The following ARMC2 variants were observed in gnomAD, a reference collection of about 807,000 sequenced individuals.
The protein encoded by ARMC2 is armadillo repeat-containing protein 2.
ARMC2 carries 67 observed loss-of-function variants against 90.3 expected under a neutral mutation model. The observed-to-expected ratio is 0.74, with a 90% CI of 0.61 to 0.91. ARMC2 has a LOEUF of 0.91. Ranked by LOEUF, ARMC2 falls within the 40% of genes least tolerant of loss-of-function variation. The pLI, the probability that ARMC2 is intolerant of heterozygous loss-of-function variation, is 0.00. For missense variants in ARMC2, 920 were observed against 1,030.9 expected (o/e 0.89, Z 1.47); for synonymous variants, 393 against 393.0 (o/e 1.00, Z 0.00).
At chr6:108,978,194 T>C (rs773040791), downstream of ARMC2, among the ~76,000 whole-genome samples, 6 of 152,210 alleles carry the variant, frequency 3.9e-5, no homozygotes, top group Non-Finnish European at 8.8e-5. Context: ...TTCCGGTACA[T>C]TGTGTCTTTG....
At chr6:108,880,116 AAAC>A in intron 5 of ARMC2, 3 of 366,900 alleles carry the variant, frequency 8.2e-6, no homozygotes, top group Non-Finnish European at 1.6e-5. Context: ...TTCATCAATG[AAAC>A]AACAACAAAA....
intron 10 of ARMC2, among the ~76,000 whole-genome samples, chr6:108,925,531 A>G (rs1182791300): frequency 1.3e-5 from 2 of 152,246 alleles, no homozygotes; most frequent in Non-Finnish European, 2.9e-5. Context: ...TTATGGGGGC[A>G]TATATGGTAT....
At chr6:108,867,096 C>A (rs1330606785) in intron 3 of ARMC2, among the ~76,000 whole-genome samples, 1 of 152,152 alleles carries the variant, frequency 6.6e-6, no homozygotes, top group Non-Finnish European at 1.5e-5. Context: ...CACTCATTCA[C>A]ATGTTATAGA....
the ARMC2 span, among the ~76,000 whole-genome samples, chr6:109,011,532 G>A: frequency 6.6e-6 from 1 of 152,012 alleles, no homozygotes; most frequent in African/African-American, 2.4e-5. Flanking sequence ...TAGAGCACTA[G>A]AGTGAATTAG....
At chr6:108,950,229 A>G (rs1250611618) in intron 12 of ARMC2, among the ~76,000 whole-genome samples, 1 of 152,174 alleles carries the variant, frequency 6.6e-6, no homozygotes, top group East Asian at 1.9e-4. Context: ...AAAAAAACAA[A>G]CAAACTTAGA....
At chr6:109,049,233 A>G in the ARMC2 span, among the ~76,000 whole-genome samples, 2 of 152,232 alleles carry the variant, frequency 1.3e-5, no homozygotes, top group Non-Finnish European at 2.9e-5. Context: ...TTACAGCAAC[A>G]TGGATGGAAC....
chr6:109,031,965 C>G, the ARMC2 span, among the ~76,000 whole-genome samples: 14 of 152,112 alleles, frequency 9.2e-5, no homozygotes, highest in Non-Finnish European at 1.5e-4. Context: ...ATACACATAT[C>G]TTGAAGGTAA....
At chr6:108,922,552 G>A (rs1348111163) in intron 10 of ARMC2, among the ~76,000 whole-genome samples, 1 of 152,150 alleles carries the variant, frequency 6.6e-6, no homozygotes, top group Non-Finnish European at 1.5e-5. Flanking sequence ...GAAAAAAACA[G>A]AAGCTAAAGC....
downstream of ARMC2, among the ~76,000 whole-genome samples, chr6:108,978,356 C>CT (rs1779025489): frequency 6.6e-6 from 1 of 152,128 alleles, no homozygotes; most frequent in African/African-American, 2.4e-5. Flanking sequence ...GCACTGTGGT[C>CT]TGAGAGACTG....
the ARMC2 span, chr6:108,994,698 CTTTTT>C: frequency 1.6e-3 from 456 of 292,290 alleles, 1 homozygote; most frequent in East Asian, 2.8e-3. Context: ...GAATTTATAT[CTTTTT>C]TTTTTTTTTT....
the ARMC2 span, chr6:108,999,251 A>G: frequency 6.6e-6 from 1 of 152,604 alleles, no homozygotes; most frequent in Non-Finnish European, 1.5e-5. Context: ...AACTTCTATA[A>G]TTCTTCTATT....
intron 13 of ARMC2, among the ~76,000 whole-genome samples, chr6:108,957,801 A>C (rs574055890): frequency 6.6e-6 from 1 of 152,286 alleles, no homozygotes; most frequent in Admixed American, 6.5e-5. Context: ...ACTTAGTGGC[A>C]AGTCCAAATT....
rs116121381 is a variant in ARMC2, at chr6:108,898,200, G to T, written c.749-1494G>T. ...GCCCCCTGCTCAACTTGTCCTTTGT[G>T]CAAAGTAACCTGAAAATACATGGGC... is the stretch of plus-strand genomic sequence containing the variant. On this transcript the variant is annotated intron_variant, in intron 6 of 17. Coordinates refer to ENST00000392644, the MANE Select transcript of ARMC2 (RefSeq NM_032131.6). Among the ~76,000 whole-genome samples the T allele has an allele frequency of 4.2e-3, 637 of 152,216 alleles. 3 individuals are homozygous for T. The highest frequency in any genetic ancestry group is 0.014 in the African/African-American group (597 of 41,522).
At position 108,887,117 on chromosome 6, in the gene ARMC2, AGGCT is replaced by A. The variant is rs371459659; in HGVS notation, c.672-7343_672-7340del. Among the ~76,000 whole-genome samples, 634 of 152,210 alleles carry A rather than the reference AGGCT, an allele frequency of 4.2e-3. 3 individuals are homozygous for A. Among genetic ancestry groups the A allele is most frequent in the African/African-American group, 0.014 (594 of 41,530 alleles). On this transcript the variant is annotated intron_variant, in intron 5 of 17. Transcript: ENST00000392644. ...GAGATGTGGTTTTGCCATGTTGGCC[AGGCT>A]GGCTGGTCTTGAACTCCTGACCTCA...
chr6:108,899,651 C>G, intron 6 of ARMC2, 43 bp from the exon 7 acceptor site: 1 of 1,481,354 alleles, frequency 6.8e-7, no homozygotes, highest in East Asian at 2.3e-5. Context: ...CATGACAACT[C>G]CTTTTTCATA....
chr6:108,964,902 A>G (rs1179504169), intron 16 of ARMC2, 78 bp from the exon 17 acceptor site: 1 of 1,077,236 alleles, frequency 9.3e-7, no homozygotes, highest in African/African-American at 1.6e-5. Flanking sequence ...ACAGAAGGAT[A>G]ATCATTATGC....
At chr6:108,999,286 T>G in the ARMC2 span, among the ~76,000 whole-genome samples, 1 of 152,200 alleles carries the variant, frequency 6.6e-6, no homozygotes, top group African/African-American at 2.4e-5. Context: ...TTCTGCTTCA[T>G]TATCTATTTT....
chr6:109,012,988 C>A, the ARMC2 span, among the ~76,000 whole-genome samples: 3 of 151,454 alleles, frequency 2.0e-5, no homozygotes, highest in African/African-American at 2.4e-5. Context: ...TGGTGGTGTG[C>A]GCCTGTAGTC....
the ARMC2 span, among the ~76,000 whole-genome samples, chr6:109,043,243 G>A: frequency 2.1e-4 from 32 of 152,104 alleles, no homozygotes; most frequent in Admixed American, 1.1e-3. Context: ...TATACTTAAC[G>A]GTGAAAGATG....
Sources: allele counts gnomAD v4.1 joint callset (sites outside exome capture counted in the v4.1 genomes callset), GRCh38; gene constraint gnomAD v4.1.1; transcripts MANE v1.5; gene names NCBI Gene and HGNC (gene_info 2026-07-23, HGNC 2026-07-21).